IPO7: variants seen among roughly 807,000 people sequenced by gnomAD.
IPO7 encodes importin-7.
IPO7 carries 13 observed loss-of-function variants against 136.4 expected under a neutral mutation model. The observed-to-expected ratio is 0.10, with a 90% CI of 0.06 to 0.15. The LOEUF (loss-of-function observed/expected upper bound fraction) is 0.15. Ranked by LOEUF, IPO7 falls within the 10% of genes least tolerant of loss-of-function variation. The pLI is 1.00. For missense variants in IPO7, 857 were observed against 1,240.6 expected, an observed-to-expected ratio of 0.69 and a Z score of 4.65; for synonymous variants, 403 against 404.4, an observed-to-expected ratio of 1.00 and a Z score of 0.04.
At chr11:9,433,549 A>AT (rs745517857) in intron 16 of IPO7, 21 bp from the exon 17 acceptor site, 21 of 1,591,240 alleles carry the variant, frequency 1.3e-5, no homozygotes, top group South Asian at 3.3e-5. Flanking sequence ...ACTGCATATG[A>AT]TTTTTTTTCT....
At chr11:9,390,703 C>G (rs967580852) in intron 1 of IPO7, among the ~76,000 whole-genome samples, 6 of 152,010 alleles carry the variant, frequency 3.9e-5, no homozygotes, top group Admixed American at 3.9e-4. Flanking sequence ...AATCCCAGCA[C>G]TTTGGGAGGT....
At chr11:9,394,527 A>G (rs1382871525) in intron 1 of IPO7, among the ~76,000 whole-genome samples, 1 of 152,152 alleles carries the variant, frequency 6.6e-6, no homozygotes, top group Admixed American at 6.5e-5. Context: ...TACATTCTTC[A>G]CAGTGCTTCA....
At chr11:9,408,061 TG>T (rs1179450281) in intron 2 of IPO7, among the ~76,000 whole-genome samples, 2 of 152,222 alleles carry the variant, frequency 1.3e-5, no homozygotes, top group Non-Finnish European at 2.9e-5. Context: ...ATTATTTTTC[TG>T]TGATAAGAAC....
chr11:9,397,341 A>AAAAAAAAAAAAAATATATATATATAT, intron 1 of IPO7, among the ~76,000 whole-genome samples: 5 of 10,760 alleles, frequency 4.6e-4, no homozygotes, highest in Admixed American at 2.1e-3. Context: ...TTTAAAAAAA[A>AAAAAAAAAAAAAATATATATATATAT]ATATATATAT....
intron 8 of IPO7, 34 bp from the exon 9 acceptor site, chr11:9,422,972 A>C: frequency 2.8e-6 from 4 of 1,413,228 alleles, no homozygotes; most frequent in Non-Finnish European, 3.8e-6. Flanking sequence ...TTTCTATTTG[A>C]ACATTGATTT....
In IPO7 at chr11:9,436,353, G is replaced by A. The variant is rs772060371; in HGVS notation, c.2255G>A (p.Arg752His). 2.5e-6 allele frequency: 4 copies of A among 1,611,262 alleles called. No individual in the cohort carries two copies. The highest frequency in any genetic ancestry group is 2.2e-5 in the South Asian group (2 of 90,988). Residue 752 changes from arginine to histidine, a missense_variant, in exon 20 of 25, where the codon CGT becomes CAT. Coordinates refer to ENST00000379719, the MANE Select transcript of IPO7 (RefSeq NM_006391.3). ...GTCATCATTCTGCAGTGCAAAGGGC[G>A]TGGCATTGACCAGGTCAGTGAAGCT... ...LEVIILQCKG[R>H]GIDQCIPLFV...
chr11:9,414,624 T>TTTTC (rs1855015147), intron 5 of IPO7: 1 of 257,300 alleles, frequency 3.9e-6, no homozygotes, highest in Non-Finnish European at 6.9e-6. Flanking sequence ...TGAATCTTTT[T>TTTTC]TTTTTTTTTT....
chr11:9,443,661 G>C (rs1473752931), intron 24 of IPO7, among the ~76,000 whole-genome samples: 1 of 151,522 alleles, frequency 6.6e-6, no homozygotes, highest in Non-Finnish European at 1.5e-5. Flanking sequence ...CCAGCACTTT[G>C]GGAGGCCAAG....
At chr11:9,444,561 C>G (rs1009738526) in intron 24 of IPO7, among the ~76,000 whole-genome samples, 3 of 151,590 alleles carry the variant, frequency 2.0e-5, no homozygotes, top group African/African-American at 7.3e-5. Flanking sequence ...CGAGGTTTCA[C>G]TATGTTGGCC....
chr11:9,394,270 G>A (rs528844344), intron 1 of IPO7, among the ~76,000 whole-genome samples: 4 of 152,242 alleles, frequency 2.6e-5, no homozygotes, highest in African/African-American at 9.6e-5. Flanking sequence ...CTAGTAAGGG[G>A]GCAGGGATAA....
At chr11:9,411,100 A>T (rs1293034289) in intron 4 of IPO7, among the ~76,000 whole-genome samples, 1 of 152,194 alleles carries the variant, frequency 6.6e-6, no homozygotes, top group Non-Finnish European at 1.5e-5. Flanking sequence ...GTGAGTGACT[A>T]AAATTGGAGA....
chr11:9,404,340 C>T (rs1273061403), intron 2 of IPO7, among the ~76,000 whole-genome samples: 3 of 151,392 alleles, frequency 2.0e-5, no homozygotes, highest in African/African-American at 7.3e-5. Flanking sequence ...TGGCGGGCGC[C>T]TGTAGTCCCA....
intron 1 of IPO7, among the ~76,000 whole-genome samples, chr11:9,394,031 C>T (rs953231833): frequency 1.1e-4 from 17 of 151,936 alleles, no homozygotes; most frequent in Non-Finnish European, 1.3e-4. Flanking sequence ...TACAAGCGTG[C>T]GCCACCACGC....
chr11:9,434,345 T>C (rs929912637), intron 18 of IPO7, among the ~76,000 whole-genome samples: 1 of 150,770 alleles, frequency 6.6e-6, no homozygotes, highest in Non-Finnish European at 1.5e-5. Flanking sequence ...TATTTTAGGC[T>C]TATTCTTTGT....
chr11:9,415,620 C>T (rs1299611531), intron 5 of IPO7, among the ~76,000 whole-genome samples: 2 of 152,094 alleles, frequency 1.3e-5, no homozygotes, highest in African/African-American at 2.4e-5. Context: ...GGGCGGATCA[C>T]GAGGTCAGGA....
chr11:9,392,108 A>G, intron 1 of IPO7: 2 of 335,890 alleles, frequency 6.0e-6, no homozygotes, highest in Non-Finnish European at 1.2e-5. Flanking sequence ...ATAATGACTT[A>G]ACCTCACTAT....
At chr11:9,443,438 C>T (rs1350387633) in intron 24 of IPO7, among the ~76,000 whole-genome samples, 1 of 150,250 alleles carries the variant, frequency 6.7e-6, no homozygotes, top group Non-Finnish European at 1.5e-5. Context: ...ACTGCAAATA[C>T]AAAATTAGCC....
At chr11:9,408,703 GGTT>G in intron 3 of IPO7, 64 bp downstream of exon 3, 11 of 411,312 alleles carry the variant, frequency 2.7e-5, no homozygotes, top group Non-Finnish European at 3.9e-5. Flanking sequence ...TTTGTTTTTT[GGTT>G]TTTTTTTTTT....
chr11:9,420,534 A>G (rs1855112078), intron 7 of IPO7, 29 bp downstream of exon 7: 2 of 1,573,532 alleles, frequency 1.3e-6, no homozygotes, highest in East Asian at 2.2e-5. Context: ...GGTGATTTAA[A>G]TTAATTTATT....
Sources: allele counts gnomAD v4.1 joint callset (sites outside exome capture counted in the v4.1 genomes callset), GRCh38; gene constraint gnomAD v4.1.1; transcripts MANE v1.5; gene names NCBI Gene and HGNC (gene_info 2026-07-23, HGNC 2026-07-21).